The following DDX59 variants were observed in gnomAD, a reference collection of about 807,000 sequenced individuals.
DDX59 encodes the protein DEAD-box helicase 59, also known as probable ATP-dependent RNA helicase DDX59.
Under a neutral mutation model 51.9 loss-of-function variants are expected in DDX59, and 30 were observed. The ratio of observed to expected loss-of-function variants is 0.58; its 90% confidence interval spans 0.43 to 0.78. DDX59 has a LOEUF of 0.78. Among genes scored for constraint, DDX59 ranks in the 30% least tolerant of loss-of-function variants. The probability of loss-of-function intolerance (pLI) is 0.00; values close to 1 mark genes in which losing one functional copy is unlikely to be tolerated. For missense variants in DDX59, 672 were observed against 730.8 expected (o/e 0.92, Z 0.93); for synonymous variants, 255 against 253.3 (o/e 1.01, Z -0.06).
chr1:200,642,775 T>A (rs544678189), downstream of DDX59, among the ~76,000 whole-genome samples: 20 of 152,190 alleles, frequency 1.3e-4, no homozygotes, highest in Non-Finnish European at 2.9e-4. Flanking sequence ...ATAATAAGCC[T>A]GTGAGTTAGG....
downstream of DDX59, among the ~76,000 whole-genome samples, chr1:200,643,816 T>C (rs1010329579): frequency 6.6e-6 from 1 of 152,178 alleles, no homozygotes; most frequent in African/African-American, 2.4e-5. Context: ...ATTTCATATT[T>C]ATCTTTCAAA....
rs576109328 is a variant in DDX59 at position 200,648,199 on chromosome 1, T to G, written c.1596+240A>C. 1.2e-3 allele frequency among the ~76,000 whole-genome samples: 175 copies of G among 151,944 alleles called. 2 individuals carry two copies. Among genetic ancestry groups the G allele is most frequent in the African/African-American group, 4.1e-3 (172 of 41,456 alleles). ...CCACCATACCAGGCTAAATTTTTTT[T>G]GTATTTTTAGTAGAGATGGGTTTTT... On this transcript the variant is annotated intron_variant, in intron 7 of 7. Transcript: ENST00000331314.
At chr1:200,659,138 A>T in intron 3 of DDX59, 22 bp from the exon 4 acceptor site, 1 of 1,571,734 alleles carries the variant, frequency 6.4e-7, no homozygotes, top group Non-Finnish European at 8.7e-7. Flanking sequence ...AGAAAAAGCA[A>T]ATTAAAAAAA....
chr1:200,665,957 T>A lies in DDX59; in HGVS notation c.784A>T (p.Ile262Phe). 6.2e-7 allele frequency: 1 copy of A among 1,609,850 alleles called. No homozygotes were observed. Among genetic ancestry groups the A allele is most frequent in the South Asian group, 1.1e-5 (1 of 90,326 alleles). Reference sequence around the variant, plus strand: ...CTTACCTCGAATAAAGCTCGCATGATAACAGGAAGAAGAAAAGCAGCTGTT... The same window carrying A: ...CTTACCTCGAATAAAGCTCGCATGAAAACAGGAAGAAGAAAAGCAGCTGTT... ...GKTAAFLLPVIMRALFESKTP... is the reference protein window; with the variant it reads ...GKTAAFLLPVFMRALFESKTP... Residue 262 changes from isoleucine (I) to phenylalanine (F), a missense_variant, in exon 2 of 8, where the codon ATC (isoleucine) becomes TTC (phenylalanine). Physicochemically the swap from Ile to Phe is conservative, Grantham distance 21. Coordinates refer to ENST00000331314, the MANE Select transcript of DDX59 (RefSeq NM_001031725.6).
At chr1:200,664,251 C>T (rs1409985333) in intron 2 of DDX59, among the ~76,000 whole-genome samples, 165 bp from the exon 3 acceptor site, 1 of 152,166 alleles carries the variant, frequency 6.6e-6, no homozygotes, top group Non-Finnish European at 1.5e-5. Flanking sequence ...CCTCCAAAAC[C>T]ATCATAAATT....
At chr1:200,662,609 T>G (rs1168832418) in intron 3 of DDX59, among the ~76,000 whole-genome samples, 1 of 152,144 alleles carries the variant, frequency 6.6e-6, no homozygotes, top group Non-Finnish European at 1.5e-5. Flanking sequence ...TGAGCAGAGG[T>G]TGCACCACTG....
rs369137265 is a variant in DDX59 at position 200,666,445 on chromosome 1, C to T, written c.296G>A (p.Arg99His). 5.0e-6 allele frequency: 8 copies of T among 1,614,178 alleles called. No homozygotes were observed. Among genetic ancestry groups the T allele is most frequent in the Non-Finnish European group, 3.4e-6 (4 of 1,180,030 alleles). The stretch of plus-strand genomic sequence containing the variant: ...GATGGGTTCCCCTGGTTCTGCCCAG[C>T]GCTGTGTTTTGGAAAATGACTTAAC... ...EPVKSFSKTQ[R>H]WAEPGEPICV... is the part of the protein sequence containing the mutation. Residue 99 changes from arginine (R) to histidine (H), a missense_variant, in exon 2 of 8, where the codon CGC becomes CAC. Transcript: ENST00000331314.
chr1:200,664,698 G>A (rs1240378972), intron 2 of DDX59, among the ~76,000 whole-genome samples: 4 of 147,726 alleles, frequency 2.7e-5, no homozygotes, highest in East Asian at 2.0e-4. Context: ...TTTTGAAAAC[G>A]GAATTTCACT....
rs969855320 is a variant in DDX59 at position 200,650,432 on chromosome 1, A to G, written c.1307T>C (p.Ile436Thr). The G allele has an allele frequency of 6.2e-7, 1 of 1,611,900 alleles. No individual in the cohort carries two copies. The highest frequency in any genetic ancestry group is 1.1e-5 in the South Asian group (1 of 90,818). The change falls in exon 5 of 8, where the codon ATT (isoleucine) becomes ACT (threonine). Residue 436 changes from isoleucine to threonine, a missense_variant. Physicochemically the swap from Ile to Thr is moderately conservative, Grantham distance 89. Coordinates refer to ENST00000331314, the MANE Select transcript of DDX59 (RefSeq NM_001031725.6). ...DPAKKKKLFE[I>T]LNDKKLFKPP... Reference sequence around the variant, plus strand: ...AACTGCTTTACTACTCACATTTAAAATTTCAAATAATTTTTTCTTTTTGGC... The same window carrying G: ...AACTGCTTTACTACTCACATTTAAAGTTTCAAATAATTTTTTCTTTTTGGC...
At chr1:200,659,210 C>T (rs1662226919) in intron 3 of DDX59, 94 bp from the exon 4 acceptor site, 2 of 941,828 alleles carry the variant, frequency 2.1e-6, no homozygotes, top group African/African-American at 1.6e-5. Context: ...ATGTACCAGA[C>T]ACTGTGTTAA....
At chr1:200,653,090 T>G (rs948600713) in intron 4 of DDX59, among the ~76,000 whole-genome samples, 13 of 152,210 alleles carry the variant, frequency 8.5e-5, no homozygotes, top group African/African-American at 9.7e-5. Context: ...GTCACAGGCT[T>G]CTTCTTTCCT....
At chr1:200,664,714 T>C (rs967133348) in intron 2 of DDX59, among the ~76,000 whole-genome samples, 1 of 152,126 alleles carries the variant, frequency 6.6e-6, no homozygotes, top group Non-Finnish European at 1.5e-5. Context: ...TCACTCTTAT[T>C]GCCCAGGCTG....
At chr1:200,667,933 C>A (rs929274329) in intron 1 of DDX59, among the ~76,000 whole-genome samples, 17 of 151,846 alleles carry the variant, frequency 1.1e-4, no homozygotes, top group Non-Finnish European at 2.5e-4. Flanking sequence ...CATAACATAG[C>A]ATAATGAAAA....
chr1:200,648,735 T>A (rs1661458352), intron 6 of DDX59, among the ~76,000 whole-genome samples, 168 bp from the exon 7 acceptor site: 1 of 152,238 alleles, frequency 6.6e-6, no homozygotes, highest in South Asian at 2.1e-4. Flanking sequence ...GCTAAAATTC[T>A]CCCCAATCCC....
chr1:200,648,202 AT>A (rs745853755), intron 7 of DDX59, among the ~76,000 whole-genome samples: 49 of 151,354 alleles, frequency 3.2e-4, no homozygotes, highest in Non-Finnish European at 5.6e-4. Flanking sequence ...TTTTTTTTGT[AT>A]TTTTAGTAGA....
At chr1:200,655,982 C>A (rs536402312) in intron 4 of DDX59, among the ~76,000 whole-genome samples, 2 of 152,180 alleles carry the variant, frequency 1.3e-5, no homozygotes, top group Admixed American at 6.5e-5. Flanking sequence ...AGGCACGCGC[C>A]ACCACGCCCA....
At chr1:200,657,657 G>A (rs904083774) in intron 4 of DDX59, among the ~76,000 whole-genome samples, 5 of 151,822 alleles carry the variant, frequency 3.3e-5, no homozygotes, top group African/African-American at 7.3e-5. Context: ...GCTGAGGCAG[G>A]AGAATGGCAC....
chr1:200,666,234 T>C lies in DDX59; in HGVS notation c.507A>G (p.Lys169=). The change falls in exon 2 of 8, where the codon AAA becomes AAG. Residue 169 remains lysine (K), a synonymous_variant. Coordinates refer to ENST00000331314, the MANE Select transcript of DDX59 (RefSeq NM_001031725.6). ...GAAGGTTCAAAATAAAGGGGTGCTCTTTGTAGACATAGGAAGCATTCAGTG... is the reference window on the plus strand; with the variant it reads ...GAAGGTTCAAAATAAAGGGGTGCTCCTTGTAGACATAGGAAGCATTCAGTG... ...ESPLNASYVY[K]EHPFILNLQE... The C allele has an allele frequency of 6.2e-7, 1 of 1,614,264 alleles. No individual in the cohort carries two copies.
intron 5 of DDX59, 115 bp from the exon 6 acceptor site, chr1:200,649,341 G>T: frequency 9.1e-7 from 1 of 1,098,826 alleles, no homozygotes; most frequent in South Asian, 1.7e-5. Context: ...ATATTGTTAA[G>T]AAGGAGGCTG....
Sources: allele counts gnomAD v4.1 joint callset (sites outside exome capture counted in the v4.1 genomes callset), GRCh38; gene constraint gnomAD v4.1.1; transcripts MANE v1.5; gene names NCBI Gene and HGNC (gene_info 2026-07-23, HGNC 2026-07-21).